Variants in TULP4 observed in about 807,000 individuals in gnomAD.
TULP4 encodes TUB like protein 4.
Under a neutral mutation model 129.0 loss-of-function variants are expected in TULP4, and 16 were observed. The observed-to-expected ratio is 0.12, with a 90% CI of 0.08 to 0.19. TULP4 has a LOEUF of 0.19. Ranked by LOEUF, TULP4 falls within the 10% of genes least tolerant of loss-of-function variation. TULP4 has a pLI of 1.00. For synonymous variants in TULP4, 998 were observed against 854.0 expected (o/e 1.17, Z -2.94); for missense variants, 1,842 against 2,059.1 (o/e 0.89, Z 2.04).
At chr6:158,388,757 A>G (rs1408966152) in intron 1 of TULP4, among the ~76,000 whole-genome samples, 1 of 152,160 alleles carries the variant, frequency 6.6e-6, no homozygotes, top group Admixed American at 6.5e-5. Context: ...TAAAAATATA[A>G]CTTTTTGAAG....
intron 2 of TULP4, among the ~76,000 whole-genome samples, chr6:158,425,947 CATT>C (rs1778480539): frequency 6.6e-6 from 1 of 152,146 alleles, no homozygotes; most frequent in Non-Finnish European, 1.5e-5. Context: ...GATGGTGTCT[CATT>C]GTGTTTTTGA....
intron 1 of TULP4, among the ~76,000 whole-genome samples, chr6:158,393,113 C>T (rs1777626992): frequency 6.6e-6 from 1 of 152,134 alleles, no homozygotes. Context: ...AGGCCCCATG[C>T]AAGACTGAAA....
At chr6:158,432,958 C>T (rs1778663786) in intron 3 of TULP4, among the ~76,000 whole-genome samples, 1 of 152,204 alleles carries the variant, frequency 6.6e-6, no homozygotes, top group African/African-American at 2.4e-5. Context: ...AGCCTTTCAC[C>T]TGCACAGGCA....
intron 10 of TULP4, among the ~76,000 whole-genome samples, chr6:158,494,186 T>G (rs76463785): frequency 0.13 from 19,893 of 152,228 alleles, 1,455 homozygotes; most frequent in South Asian, 0.19. Flanking sequence ...CGGGAGAGGC[T>G]GACACACCTG....
chr6:158,452,104 C>T (rs920464372), intron 4 of TULP4, 30 bp from the exon 5 acceptor site: 6 of 1,610,398 alleles, frequency 3.7e-6, no homozygotes, highest in African/African-American at 1.3e-5. Flanking sequence ...GTGCTTCCCT[C>T]CTTTTCACTT....
chr6:158,363,062 CAAAAAA>C (rs11373437), intron 1 of TULP4, among the ~76,000 whole-genome samples: 4,298 of 87,998 alleles, frequency 0.049, 87 homozygotes, highest in Non-Finnish European at 0.057. Flanking sequence ...GACTCCATCT[CAAAAAA>C]AAAAAAAAAA....
At chr6:158,316,995 C>T (rs1779506667) in intron 1 of TULP4, among the ~76,000 whole-genome samples, 2 of 152,104 alleles carry the variant, frequency 1.3e-5, no homozygotes, top group African/African-American at 4.8e-5. Flanking sequence ...TGAAAAATGG[C>T]ACCCCTGAGC....
intron 1 of TULP4, among the ~76,000 whole-genome samples, chr6:158,232,895 A>C (rs902116519): frequency 2.3e-4 from 35 of 152,352 alleles, no homozygotes; most frequent in Non-Finnish European, 4.4e-4. Flanking sequence ...TGGCAGCTGC[A>C]TGGAAATCCC....
intron 5 of TULP4, among the ~76,000 whole-genome samples, chr6:158,453,428 A>G (rs376892003): frequency 3.2e-5 from 4 of 124,564 alleles, no homozygotes; most frequent in Admixed American, 8.4e-5. Context: ...AGCTTGCAGT[A>G]AGCCGAGATC....
upstream of TULP4, among the ~76,000 whole-genome samples, chr6:158,278,387 G>GT (rs778202071): frequency 0.085 from 11,887 of 140,234 alleles, 629 homozygotes; most frequent in African/African-American, 0.16. Flanking sequence ...GAAAATACTA[G>GT]TTTTTTTTTT....
At chr6:158,483,347 T>C (rs1306338407) in intron 8 of TULP4, among the ~76,000 whole-genome samples, 1 of 152,172 alleles carries the variant, frequency 6.6e-6, no homozygotes, top group Admixed American at 6.5e-5. Context: ...ATTGGGGGGA[T>C]GGAGGGACAG....
rs1777927287 is a variant in TULP4 at position 158,241,979 on chromosome 6, T to TG, written n.68+9678dup. On this transcript the variant is annotated intron_variant and non_coding_transcript_variant, in intron 1 of 1. Transcript: ENST00000620026. Reference sequence around the variant, plus strand: ...GCATTGGTTAATTTCACTTTCTTCTTGGAGTCAAAGACATTTTGGTCCTTG... The same window carrying TG: ...GCATTGGTTAATTTCACTTTCTTCTTGGGAGTCAAAGACATTTTGGTCCTTG... 3.4e-6 allele frequency: 3 copies of TG among 880,396 alleles called. No individual in the cohort carries two copies. The East Asian group carries it at 7.2e-5, about 21-fold the overall frequency. The allele number at this position is 880,396 out of a possible 1,614,324, so 54.5% of individuals were successfully genotyped here. A position where few individuals can be genotyped will look rare whatever the true frequency, so the allele number is the denominator to read the frequency against.
intron 2 of TULP4, among the ~76,000 whole-genome samples, chr6:158,417,349 A>G (rs540744630): frequency 2.6e-5 from 4 of 152,316 alleles, no homozygotes; most frequent in Non-Finnish European, 5.9e-5. Flanking sequence ...CTGGAGGCAA[A>G]TGAGCTTCCC....
intron 1 of TULP4, among the ~76,000 whole-genome samples, chr6:158,394,503 G>C (rs1183563351): frequency 6.6e-6 from 1 of 152,030 alleles, no homozygotes; most frequent in African/African-American, 2.4e-5. Context: ...TACCTGCATG[G>C]CTGGGCGCGG....
At chr6:158,429,203 A>G (rs750000817) in intron 2 of TULP4, among the ~76,000 whole-genome samples, 1 of 152,178 alleles carries the variant, frequency 6.6e-6, no homozygotes, top group African/African-American at 2.4e-5. Flanking sequence ...CAGTGGCGCT[A>G]TCTTGGCTCA....
chr6:158,367,067 A>T (rs1430463830), intron 1 of TULP4, among the ~76,000 whole-genome samples: 1 of 148,934 alleles, frequency 6.7e-6, no homozygotes, highest in Non-Finnish European at 1.5e-5. Context: ...AAAAAAAAAA[A>T]TCTGAATAAC....
In TULP4 at chr6:158,325,319, T is replaced by C. The variant is rs182665808; in HGVS notation, c.252+11051T>C. On this transcript the variant is annotated intron_variant, in intron 1 of 13. Coordinates refer to ENST00000367097, the MANE Select transcript of TULP4 (RefSeq NM_020245.5). ...GAGCCTAACTCTTAATTGTAGCCAG[T>C]TATTGTAAACTGAAGGGATTTGAGG... Among the ~76,000 whole-genome samples, 770 of 151,952 alleles carry C rather than the reference T, an allele frequency of 5.1e-3. 7 individuals carry two copies. Among genetic ancestry groups the C allele is most frequent in the African/African-American group, 0.018 (728 of 41,432 alleles).
chr6:158,442,859 C>T (rs1036818043), intron 3 of TULP4, among the ~76,000 whole-genome samples: 4 of 151,424 alleles, frequency 2.6e-5, no homozygotes, highest in African/African-American at 9.7e-5. Flanking sequence ...CCCCCAGGCT[C>T]CTAGAGTGCA....
intron 1 of TULP4, among the ~76,000 whole-genome samples, chr6:158,299,483 T>A (rs1462105839): frequency 6.6e-6 from 1 of 152,218 alleles, no homozygotes; most frequent in Non-Finnish European, 1.5e-5. Context: ...CCCTTTCATT[T>A]GTCTTAAAGG....
Sources: allele counts gnomAD v4.1 joint callset (sites outside exome capture counted in the v4.1 genomes callset), GRCh38; gene constraint gnomAD v4.1.1; transcripts MANE v1.5; gene names NCBI Gene and HGNC (gene_info 2026-07-23, HGNC 2026-07-21).